ATG2B: variants seen among roughly 807,000 people sequenced by gnomAD.
ATG2B encodes the protein autophagy-related protein 2 homolog B.
In ATG2B, 121 loss-of-function variants were observed where a neutral mutation model predicts 241.3. That is an observed-to-expected ratio of 0.50 (90% CI 0.43 to 0.58). The LOEUF (loss-of-function observed/expected upper bound fraction) is 0.58. Among genes scored for constraint, ATG2B ranks in the 20% least tolerant of loss-of-function variants. ATG2B has a pLI of 0.00. For missense variants in ATG2B, 2,306 were observed against 2,491.6 expected (o/e 0.93, Z 1.59); for synonymous variants, 858 against 876.6 (o/e 0.98, Z 0.37).
intron 1 of ATG2B, among the ~76,000 whole-genome samples, chr14:96,351,685 G>A (rs1157514309): frequency 5.3e-5 from 8 of 150,010 alleles, no homozygotes; most frequent in Non-Finnish European, 8.9e-5. Context: ...ACCGTGAGCC[G>A]AAATCGCGCC....
rs1886450128 is a variant in ATG2B at position 96,290,326 on chromosome 14, A to G, written c.5856+110T>C. 2 of 1,383,800 alleles carry G rather than the reference A, an allele frequency of 1.4e-6. No homozygotes were observed. The highest frequency in any genetic ancestry group is 2.0e-6 in the Non-Finnish European group (2 of 1,022,294). 85.7% of individuals were successfully genotyped at this position (1,383,800 alleles called of 1,614,324 possible). A position where few individuals can be genotyped will look rare whatever the true frequency, so the allele number is the denominator to read the frequency against. On this transcript the variant is annotated intron_variant, in intron 40 of 41. Transcript: ENST00000359933. This position sits in a 1 kb window ranked among gnomAD's most constrained non-coding sequence, Gnocchi z 4.4. ...GACATTAAATCACTACGAATAAAGT[A>G]TCTACTCACAACATTTTGTATATCT...
At chr14:96,328,093 G>A (rs1887630815) in intron 14 of ATG2B, among the ~76,000 whole-genome samples, 1 of 152,162 alleles carries the variant, frequency 6.6e-6, no homozygotes, top group Non-Finnish European at 1.5e-5. Flanking sequence ...GGGATTACAG[G>A]TGTGAGCCGC....
intron 24 of ATG2B, 31 bp downstream of exon 24, chr14:96,313,298 A>C: frequency 1.3e-6 from 2 of 1,485,360 alleles, no homozygotes; most frequent in Non-Finnish European, 1.8e-6. Flanking sequence ...ATTTTAAATA[A>C]AACTTTATTT....
In ATG2B at chr14:96,285,625, TTTAA is replaced by T; in HGVS notation, c.*126_*129del. ...TGCATGTTGTTTTGATGTTAAATTA[TTTAA>T]CTAAAAAATGCTTTTGTTCCTGAGA... On this transcript the variant is annotated 3_prime_UTR_variant, in exon 42 of 42. Transcript: ENST00000359933. The surrounding 1 kb of genome is among the most constrained non-coding windows in gnomAD (Gnocchi z 4.2). The T allele has an allele frequency of 2.5e-6, 2 of 812,898 alleles. No homozygotes were observed. The highest frequency in any genetic ancestry group is 3.9e-6 in the Non-Finnish European group (2 of 515,752). The allele number at this position is 812,898 out of a possible 1,614,324, so 50.4% of individuals were successfully genotyped here. A position where few individuals can be genotyped will look rare whatever the true frequency, so the allele number is the denominator to read the frequency against.
Position 96,305,703 on chromosome 14 carries a change from T to G in ATG2B, c.4619A>C (p.His1540Pro), listed in dbSNP as rs745821224. The G allele has an allele frequency of 1.9e-6, 3 of 1,614,078 alleles. No individual in the cohort carries two copies. The highest frequency in any genetic ancestry group is 2.5e-6 in the Non-Finnish European group (3 of 1,179,996). The change falls in exon 31 of 42, where the codon CAC becomes CCC. Residue 1540 changes from histidine to proline, a missense_variant. By Grantham distance (77) the His-to-Pro change is moderately conservative. This residue lies in a region of ATG2B where 1,927 missense variants were observed against 2,011.2 expected (regional missense o/e 0.96). Coordinates refer to ENST00000359933, the MANE Select transcript of ATG2B (RefSeq NM_018036.7). ...NKTDTSKAPL[H>P]FPIPVIRYVV... is the part of the protein sequence containing the mutation. ...ATAGCGAATCACAGGAATGGGAAAG[T>G]GTAAGGGGGCTTTGCTCGTATCGGT...
chr14:96,363,247 A>T lies in ATG2B; in HGVS notation c.-271T>A. ...CCAACCGGCTCGGAGAGAGTGCAAG[A>T]GAGCGCGAGAGGAGGCGGCAGGGGC... On this transcript the variant is annotated 5_prime_UTR_variant, in exon 1 of 42. Coordinates refer to ENST00000359933, the MANE Select transcript of ATG2B (RefSeq NM_018036.7). The T allele has an allele frequency of 2.5e-6, 1 of 394,028 alleles. No homozygotes were observed. Among genetic ancestry groups the T allele is most frequent in the Non-Finnish European group, 4.6e-6 (1 of 216,966 alleles). 24.4% of individuals were successfully genotyped at this position (394,028 alleles called of 1,614,324 possible). A position where few individuals can be genotyped will look rare whatever the true frequency, so the allele number is the denominator to read the frequency against.
At chr14:96,288,528 T>C (rs568791499) in intron 41 of ATG2B, among the ~76,000 whole-genome samples, 51 of 152,286 alleles carry the variant, frequency 3.3e-4, no homozygotes, top group African/African-American at 1.2e-3. Flanking sequence ...AATCTTTTTT[T>C]CAAAGCTGAC....
In ATG2B at chr14:96,332,359, T is replaced by G. The variant is rs1337671850; in HGVS notation, c.1414A>C (p.Arg472=). 2 of 1,613,972 alleles carry G rather than the reference T, an allele frequency of 1.2e-6. No individual in the cohort carries two copies. Among genetic ancestry groups the G allele is most frequent in the East Asian group, 4.5e-5 (2 of 44,868 alleles). Residue 472 remains arginine, a synonymous_variant, in exon 10 of 42, where the codon AGA becomes CGA. Transcript: ENST00000359933. ...AGGTTGGATGGAAATGTTGACCCTC[T>G]TACTGGCTGTTCTTTATGATGATCA... ...FLDHHKEQPV[R]GSTFPSNLVH...
chr14:96,350,032 C>A (rs906874387), intron 1 of ATG2B, among the ~76,000 whole-genome samples: 3 of 152,138 alleles, frequency 2.0e-5, no homozygotes, highest in African/African-American at 4.8e-5. Flanking sequence ...GGCACATACC[C>A]GTAATCCCAG....
At position 96,309,434 on chromosome 14, in the gene ATG2B, A is replaced by G. The variant is rs1475733920; in HGVS notation, c.4303+19T>C. On this transcript the variant is annotated intron_variant, in intron 29 of 41. Transcript: ENST00000359933. ...CCAACATTAACATCAGTGCTCCCTG[A>G]GAAGAGTCCTGGTCTTACCATTAGC... is the stretch of plus-strand genomic sequence containing the variant. 6.2e-7 allele frequency: 1 copy of G among 1,602,662 alleles called. No homozygotes were observed. Among genetic ancestry groups the G allele is most frequent in the Non-Finnish European group, 8.5e-7 (1 of 1,174,834 alleles).
chr14:96,314,957 C>T (rs1401301123), intron 23 of ATG2B, among the ~76,000 whole-genome samples, 197 bp downstream of exon 23: 1 of 152,236 alleles, frequency 6.6e-6, no homozygotes, highest in Admixed American at 6.5e-5. Flanking sequence ...TCCCAAAGTG[C>T]TGGGATTACA....
At chr14:96,305,949 A>G (rs1238465369) in intron 30 of ATG2B, 134 bp from the exon 31 acceptor site, 2 of 678,938 alleles carry the variant, frequency 2.9e-6, no homozygotes, top group Admixed American at 2.9e-5. Context: ...GGTGATGGTT[A>G]CCGACATTAG....
At chr14:96,326,835 T>C (rs1324464485) in intron 14 of ATG2B, among the ~76,000 whole-genome samples, 2 of 152,154 alleles carry the variant, frequency 1.3e-5, no homozygotes, top group Non-Finnish European at 2.9e-5. Flanking sequence ...GCTGGGACTA[T>C]GGGTGCAAGC....
At position 96,317,700 on chromosome 14, in the gene ATG2B, T is replaced by G; in HGVS notation, c.3035A>C (p.Tyr1012Ser). ...AAAACAAATTAAAAATATATTACCA[T>G]AGTGAACTGCAGATTTAAATGCACT... Reference protein sequence around the residue: ...SFSAFKSAVHYDEESGSEEET... With the variant: ...SFSAFKSAVHSDEESGSEEET... Residue 1012 changes from tyrosine to serine, a missense_variant and splice_region_variant, in exon 19 of 42, where the codon TAT becomes TCT. Transcript: ENST00000359933. 6.2e-7 allele frequency: 1 copy of G among 1,600,282 alleles called. No homozygotes were observed. Among genetic ancestry groups the G allele is most frequent in the Non-Finnish European group, 8.5e-7 (1 of 1,171,498 alleles).
chr14:96,326,038 T>TGAGTATTTAAAATCATATATTGGTAG, intron 14 of ATG2B, 116 bp from the exon 15 acceptor site: 1 of 984,158 alleles, frequency 1.0e-6, no homozygotes. Flanking sequence ...TATAATGCAT[T>TGAGTATTTAAAATCATATATTGGTAG]AAAAGTCAAT....
At chr14:96,313,241 G>C in intron 24 of ATG2B, 84 bp from the exon 25 acceptor site, 1 of 1,345,446 alleles carries the variant, frequency 7.4e-7, no homozygotes, top group Non-Finnish European at 1.1e-6. Context: ...ACAACAATTT[G>C]AACCTTAACT....
rs1331736642 is a variant in ATG2B at position 96,290,891 on chromosome 14, C to T, written c.5624G>A (p.Trp1875Ter). Residue 1875 changes from tryptophan (W) to a stop codon, truncating the protein, a stop_gained, in exon 39 of 42, where the codon TGG becomes TAG. Coordinates refer to ENST00000359933, the MANE Select transcript of ATG2B (RefSeq NM_018036.7). LOFTEE classifies it high-confidence loss of function. This position sits in a 1 kb window ranked among gnomAD's most constrained non-coding sequence, Gnocchi z 4.4. ...CTGGTTCTTCTTAATGTCATTAAGC[C>T]ACTCAGTGATTGCATATGAGAATAA... ...DKLFSYAITE[W>*]LNDIKKNQLP... is the part of the protein sequence containing the mutation. 1.2e-6 allele frequency: 2 copies of T among 1,612,522 alleles called. No individual in the cohort carries two copies. The highest frequency in any genetic ancestry group is 3.3e-5 in the Admixed American group (2 of 59,988).
chr14:96,299,977 T>A (rs868845116), intron 34 of ATG2B, among the ~76,000 whole-genome samples: 5 of 152,204 alleles, frequency 3.3e-5, no homozygotes, highest in African/African-American at 1.2e-4. Context: ...GGTATAGCAA[T>A]CTTAAAAGAG....
At chr14:96,292,822 C>T (rs1189621324) in intron 36 of ATG2B, among the ~76,000 whole-genome samples, 4 of 152,096 alleles carry the variant, frequency 2.6e-5, no homozygotes. Flanking sequence ...GGATTGCTTC[C>T]AGGGCCTTTA....
Sources: allele counts gnomAD v4.1 joint callset (sites outside exome capture counted in the v4.1 genomes callset), GRCh38; gene constraint gnomAD v4.1.1; regional missense constraint gnomAD v4.1.1; non-coding constraint Gnocchi (gnomAD v3.1); transcripts MANE v1.5; gene names NCBI Gene and HGNC (gene_info 2026-07-23, HGNC 2026-07-21).